RAPGEF2: variants seen among roughly 807,000 people sequenced by gnomAD.
RAPGEF2 encodes Rap guanine nucleotide exchange factor 2.
Under a neutral mutation model 186.7 loss-of-function variants are expected in RAPGEF2, and 54 were observed. That is an observed-to-expected ratio of 0.29 (90% CI 0.23 to 0.36). The LOEUF (loss-of-function observed/expected upper bound fraction) is 0.36. Among genes scored for constraint, RAPGEF2 ranks in the 10% least tolerant of loss-of-function variants. The pLI is 1.00. For synonymous variants in RAPGEF2, 712 were observed against 705.9 expected (o/e 1.01, Z -0.14); for missense variants, 1,532 against 2,045.0 (o/e 0.75, Z 4.84).
In RAPGEF2 at chr4:159,207,308, G is replaced by A. The variant is rs140155048; in HGVS notation, c.198-3192G>A. Among the ~76,000 whole-genome samples, 646 of 152,350 alleles carry A rather than the reference G, an allele frequency of 4.2e-3. 4 individuals are homozygous for A. Among genetic ancestry groups the A allele is most frequent in the African/African-American group, 0.014 (582 of 41,562 alleles). On this transcript the variant is annotated intron_variant, in intron 3 of 29. Coordinates refer to ENST00000691494, the MANE Select transcript of RAPGEF2 (RefSeq NM_001394067.2). ...ATCGACGGGTGGTAAGGATGCTAGAGCATTCACTGCCACAGTATTTTACCG... is the reference window on the plus strand; with the variant it reads ...ATCGACGGGTGGTAAGGATGCTAGAACATTCACTGCCACAGTATTTTACCG...
intron 25 of RAPGEF2, among the ~76,000 whole-genome samples, chr4:159,349,488 C>T (rs1013278728): frequency 7.7e-6 from 1 of 129,800 alleles, no homozygotes. Flanking sequence ...GGATCCTGCA[C>T]GTGGTGCTGG....
At position 159,136,493 on chromosome 4, in the gene RAPGEF2, A is replaced by G. The variant is rs140218298; in HGVS notation, c.69+32262A>G. 3.5e-3 allele frequency among the ~76,000 whole-genome samples: 531 copies of G among 152,316 alleles called. 3 individuals are homozygous for G. Among genetic ancestry groups the G allele is most frequent in the African/African-American group, 0.011 (472 of 41,576 alleles). On this transcript the variant is annotated intron_variant, in intron 1 of 29. Transcript: ENST00000691494. ...TTTGGGATGCTTATTTGTAATACAA[A>G]GAGGAGATGTCCAGTAAGTACTGTA...
At chr4:159,268,304 A>G (rs1757683021) in intron 7 of RAPGEF2, 1 of 1,168,788 alleles carries the variant, frequency 8.6e-7, no homozygotes, top group African/African-American at 1.5e-5. Context: ...TCTTCAGGGA[A>G]AACAGTTTTT....
intron 25 of RAPGEF2, among the ~76,000 whole-genome samples, chr4:159,349,497 G>A (rs374159063): frequency 4.8e-4 from 32 of 66,972 alleles, no homozygotes; most frequent in African/African-American, 9.4e-4. Context: ...ACGTGGTGCT[G>A]GCTCACTTCC....
At chr4:159,337,757 G>A (rs968956956) in intron 17 of RAPGEF2, among the ~76,000 whole-genome samples, 1 of 151,436 alleles carries the variant, frequency 6.6e-6, no homozygotes, top group African/African-American at 2.4e-5. Context: ...GGGCATGGTG[G>A]CGGACGCCTG....
chr4:159,325,446 A>C lies in RAPGEF2; in HGVS notation c.1149+1829A>C, dbSNP rs190168671. On this transcript the variant is annotated intron_variant, in intron 11 of 29. Coordinates refer to ENST00000691494, the MANE Select transcript of RAPGEF2 (RefSeq NM_001394067.2). ...CTCTGTAATTGTACTCTTAAAAAAA[A>C]ACTAATCTAAACTGAGTCAAAACAA... 3.0e-3 allele frequency among the ~76,000 whole-genome samples: 462 copies of C among 152,296 alleles called. 2 individuals carry two copies. Among genetic ancestry groups the C allele is most frequent in the African/African-American group, 0.011 (439 of 41,580 alleles).
rs551781786 is a variant in RAPGEF2, at chr4:159,350,117, T to G, written c.3713-20T>G. 35 of 344,982 alleles carry G rather than the reference T, an allele frequency of 1.0e-4. No homozygotes were observed. The South Asian group carries it at 1.0e-3, about 10-fold the overall frequency. 21.4% of individuals were successfully genotyped at this position (344,982 alleles called of 1,614,324 possible). On this transcript the variant is annotated intron_variant, in intron 25 of 29. Coordinates refer to ENST00000691494, the MANE Select transcript of RAPGEF2 (RefSeq NM_001394067.2). ...CAGACTTGAAAATACATATTTAAGG[T>G]TTTTTTTTTTCCATTATAGGCATAA...
chr4:159,181,575 C>CTTTTTTTT, intron 1 of RAPGEF2, among the ~76,000 whole-genome samples: 2 of 121,386 alleles, frequency 1.6e-5, no homozygotes, highest in Non-Finnish European at 3.4e-5. Context: ...GGAAGACAGT[C>CTTTTTTTT]TTTTTTTTTT....
At chr4:159,198,332 TTCTTTTTC>T in intron 3 of RAPGEF2, among the ~76,000 whole-genome samples, 1 of 83,632 alleles carries the variant, frequency 1.2e-5, no homozygotes, top group Non-Finnish European at 2.1e-5. Context: ...CTTTCTTTCT[TTCTTTTTC>T]TTTCTCTCTC....
At chr4:159,320,889 A>G (rs1044404166) in intron 9 of RAPGEF2, among the ~76,000 whole-genome samples, 28 of 152,020 alleles carry the variant, frequency 1.8e-4, no homozygotes, top group Non-Finnish European at 1.3e-4. Flanking sequence ...ATTTAGCCAA[A>G]AGTTTGAATG....
At chr4:159,169,933 G>T (rs1745725632) in intron 1 of RAPGEF2, among the ~76,000 whole-genome samples, 1 of 152,132 alleles carries the variant, frequency 6.6e-6, no homozygotes, top group African/African-American at 2.4e-5. Flanking sequence ...TATATAGCCA[G>T]TAGTGGGACC....
At chr4:159,158,633 TCG>T (rs1744373804) in intron 1 of RAPGEF2, among the ~76,000 whole-genome samples, 1 of 152,132 alleles carries the variant, frequency 6.6e-6, no homozygotes, top group Admixed American at 6.6e-5. Flanking sequence ...CCCTTGGTGG[TCG>T]CAAACAAAAA....
At chr4:159,136,165 T>G (rs538080512) in intron 1 of RAPGEF2, among the ~76,000 whole-genome samples, 1 of 152,368 alleles carries the variant, frequency 6.6e-6, no homozygotes, top group African/African-American at 2.4e-5. Context: ...AAAATATGGT[T>G]GTTTTTCCTT....
At chr4:159,336,212 T>G (rs1251816872) in intron 17 of RAPGEF2, among the ~76,000 whole-genome samples, 1 of 152,150 alleles carries the variant, frequency 6.6e-6, no homozygotes, top group Non-Finnish European at 1.5e-5. Flanking sequence ...TGGTTTTTTG[T>G]TACATGGGTG....
chr4:159,105,303 G>T (rs1344998015), intron 1 of RAPGEF2, among the ~76,000 whole-genome samples: 2 of 152,198 alleles, frequency 1.3e-5, no homozygotes, highest in Non-Finnish European at 2.9e-5. Flanking sequence ...GCTTGAAAGT[G>T]TTGCTTCGCT....
At chr4:159,173,551 A>G (rs540003619) in intron 1 of RAPGEF2, among the ~76,000 whole-genome samples, 6 of 152,258 alleles carry the variant, frequency 3.9e-5, no homozygotes, top group African/African-American at 1.2e-4. Flanking sequence ...GGTTTCTAGG[A>G]GGTTTAACTG....
intron 1 of RAPGEF2, among the ~76,000 whole-genome samples, chr4:159,138,049 A>G (rs1468369407): frequency 6.6e-6 from 1 of 152,234 alleles, no homozygotes; most frequent in Non-Finnish European, 1.5e-5. Flanking sequence ...TGAATTACTA[A>G]TTAGTATAAT....
At chr4:159,181,300 GT>G (rs1369017437) in intron 1 of RAPGEF2, among the ~76,000 whole-genome samples, 1 of 152,132 alleles carries the variant, frequency 6.6e-6, no homozygotes, top group African/African-American at 2.4e-5. Flanking sequence ...TGCTTCTACT[GT>G]GTCTCTTAGA....
intron 7 of RAPGEF2, among the ~76,000 whole-genome samples, chr4:159,257,992 C>T (rs1467282822): frequency 1.3e-5 from 2 of 152,134 alleles, no homozygotes; most frequent in African/African-American, 4.8e-5. Context: ...TGAATGCCTT[C>T]CTGTATTAAT....
Sources: allele counts gnomAD v4.1 joint callset (sites outside exome capture counted in the v4.1 genomes callset), GRCh38; gene constraint gnomAD v4.1.1; transcripts MANE v1.5; gene names NCBI Gene and HGNC (gene_info 2026-07-23, HGNC 2026-07-21).